GUCA1B: variants seen among roughly 807,000 people sequenced by gnomAD.
GUCA1B encodes guanylyl cyclase-activating protein 2.
GUCA1B carries 22 observed loss-of-function variants against 24.2 expected under a neutral mutation model. The observed-to-expected ratio is 0.91, with a 90% CI of 0.65 to 1.30. The LOEUF (loss-of-function observed/expected upper bound fraction) is 1.30. Ranked by LOEUF, GUCA1B falls within the 50% of genes most tolerant of loss-of-function variation. GUCA1B has a pLI of 0.00. For missense variants in GUCA1B, 221 were observed against 258.8 expected, an observed-to-expected ratio of 0.85 and a Z score of 1.00; for synonymous variants, 100 against 97.9, an observed-to-expected ratio of 1.02 and a Z score of -0.13.
chr6:42,194,062 G>A (rs1044057816), intron 1 of GUCA1B, among the ~76,000 whole-genome samples: 5 of 152,196 alleles, frequency 3.3e-5, no homozygotes, highest in African/African-American at 9.6e-5. Context: ...GACTTGAAGA[G>A]CTGAAAGGGG....
At chr6:42,186,697 C>T (rs1768198919) in intron 2 of GUCA1B, among the ~76,000 whole-genome samples, 1 of 152,180 alleles carries the variant, frequency 6.6e-6, no homozygotes, top group African/African-American at 2.4e-5. Flanking sequence ...AGGACAGAAG[C>T]TGCGTCTTAT....
intron 3 of GUCA1B, 103 bp from the exon 4 acceptor site, chr6:42,185,045 G>T: frequency 1.9e-6 from 2 of 1,071,558 alleles, no homozygotes; most frequent in Non-Finnish European, 1.4e-6. Flanking sequence ...CACGTCTTAT[G>T]CCAACTATCC....
intron 1 of GUCA1B, among the ~76,000 whole-genome samples, chr6:42,190,670 A>C (rs1768289733): frequency 6.6e-6 from 1 of 152,192 alleles, no homozygotes; most frequent in South Asian, 2.1e-4. Flanking sequence ...CAGGCCACCC[A>C]GCCAGCAAGT....
chr6:42,190,793 C>T (rs778870222), intron 1 of GUCA1B, among the ~76,000 whole-genome samples: 6 of 152,018 alleles, frequency 3.9e-5, no homozygotes, highest in Non-Finnish European at 7.4e-5. Context: ...TTGGGGGTGC[C>T]AAGAGAAGAA....
intron 2 of GUCA1B, among the ~76,000 whole-genome samples, chr6:42,186,679 G>A (rs1167426690): frequency 3.9e-5 from 6 of 152,120 alleles, no homozygotes; most frequent in Admixed American, 2.0e-4. Context: ...CCAGGCTGGC[G>A]CTCCCTGAGG....
chr6:42,188,765 C>T (rs779426390), intron 1 of GUCA1B, 34 bp from the exon 2 acceptor site: 34 of 1,596,394 alleles, frequency 2.1e-5, no homozygotes, highest in Non-Finnish European at 2.6e-6. Flanking sequence ...GAGGGCACAG[C>T]CCACCTCCCC....
chr6:42,186,526 G>A (rs1351835419), intron 2 of GUCA1B, among the ~76,000 whole-genome samples: 1 of 152,152 alleles, frequency 6.6e-6, no homozygotes, highest in Non-Finnish European at 1.5e-5. Context: ...CTGGGAGATA[G>A]AGGTTGCAGT....
rs1285115164 is a variant in GUCA1B, at chr6:42,184,166, G to A, written c.*649C>T. 6.6e-6 allele frequency among the ~76,000 whole-genome samples: 1 copy of A among 151,166 alleles called. No homozygotes were observed. Among genetic ancestry groups the A allele is most frequent in the East Asian group, 1.9e-4 (1 of 5,150 alleles). ...TGCAGTGGCGCAATCTCGGCTCACTGTAGGCTCGGCCCCCTGGGGTTCACG... is the reference window on the plus strand; with the variant it reads ...TGCAGTGGCGCAATCTCGGCTCACTATAGGCTCGGCCCCCTGGGGTTCACG... On this transcript the variant is annotated 3_prime_UTR_variant, in exon 4 of 4. Transcript: ENST00000230361.
At position 42,185,815 on chromosome 6, in the gene GUCA1B, G is replaced by C; in HGVS notation, c.358-18C>G. On this transcript the variant is annotated intron_variant, in intron 2 of 3. Transcript: ENST00000230361. ...TAAATTCCCTGCCAAAGAAAACTCA[G>C]CTGCATTGACGGGAGACCCTGAAAG... 1.3e-6 allele frequency: 2 copies of C among 1,494,668 alleles called. No individual in the cohort carries two copies. The highest frequency in any genetic ancestry group is 1.9e-6 in the Non-Finnish European group (2 of 1,071,988). 92.6% of individuals were successfully genotyped at this position (1,494,668 alleles called of 1,614,324 possible).
In GUCA1B at chr6:42,190,725, G is replaced by A. The variant is rs1473389758; in HGVS notation, c.208-1994C>T. 5.3e-5 allele frequency among the ~76,000 whole-genome samples: 8 copies of A among 152,044 alleles called. No homozygotes were observed. The South Asian group carries it at 8.3e-4, about 16-fold the overall frequency. ...TGCATCTCCTCCAGTGCATCACGTC[G>A]GAAGAACTTGCAGTCTCCACTTAAG... On this transcript the variant is annotated intron_variant, in intron 1 of 3. Transcript: ENST00000230361.
At chr6:42,192,382 AGAG>A (rs1768324220) in intron 1 of GUCA1B, among the ~76,000 whole-genome samples, 2 of 8,228 alleles carry the variant, frequency 2.4e-4, no homozygotes, top group African/African-American at 8.1e-4. Context: ...AAAAAAAAAG[AGAG>A]AAAAGAAAAG....
intron 1 of GUCA1B, among the ~76,000 whole-genome samples, 165 bp from the exon 2 acceptor site, chr6:42,188,896 CT>C (rs377217329): frequency 4.1e-4 from 52 of 126,858 alleles, no homozygotes; most frequent in African/African-American, 8.6e-4. Flanking sequence ...TTCTATCTAT[CT>C]ATCTATATCT....
chr6:42,193,788 G>A (rs1157229974), intron 1 of GUCA1B, among the ~76,000 whole-genome samples: 1 of 152,164 alleles, frequency 6.6e-6, no homozygotes, highest in Non-Finnish European at 1.5e-5. Context: ...AGTTCTCCAC[G>A]CACTGAGGAA....
chr6:42,188,407 GATT>G (rs1768234842), intron 2 of GUCA1B, among the ~76,000 whole-genome samples, 172 bp downstream of exon 2: 1 of 150,732 alleles, frequency 6.6e-6, no homozygotes, highest in African/African-American at 2.4e-5. Context: ...TTTTTTGATT[GATT>G]TCTAGCTTAA....
rs1768367210 is a variant in GUCA1B at position 42,194,685 on chromosome 6, A to G, written c.136T>C (p.Phe46Leu). The G allele has an allele frequency of 3.7e-6, 6 of 1,613,650 alleles. No homozygotes were observed. In the East Asian group the frequency reaches 1.3e-4, roughly 36 times the overall value. ...TLFMHEFKRFFKVTDDEEASQ... is the reference protein window; with the variant it reads ...TLFMHEFKRFLKVTDDEEASQ... Reference sequence around the variant, plus strand: ...GCCTCCTCATCGTCTGTGACCTTGAAGAAGCGCTTAAACTCATGCATAAAG... The same window carrying G: ...GCCTCCTCATCGTCTGTGACCTTGAGGAAGCGCTTAAACTCATGCATAAAG... The change falls in exon 1 of 4, where the codon TTC (phenylalanine) becomes CTC (leucine). Residue 46 changes from phenylalanine (F) to leucine (L), a missense_variant. Phe to Leu is a conservative substitution (Grantham distance 22). Coordinates refer to ENST00000230361, the MANE Select transcript of GUCA1B (RefSeq NM_002098.6).
chr6:42,190,246 A>G (rs1248531358), intron 1 of GUCA1B, among the ~76,000 whole-genome samples: 1 of 151,476 alleles, frequency 6.6e-6, no homozygotes, highest in Non-Finnish European at 1.5e-5. Flanking sequence ...TGGTCTCCGT[A>G]CTCCCCATCA....
chr6:42,185,308 T>G (rs1231008314), intron 3 of GUCA1B, among the ~76,000 whole-genome samples: 2 of 152,134 alleles, frequency 1.3e-5, no homozygotes, highest in Non-Finnish European at 1.5e-5. Context: ...AATGGAGGTC[T>G]ACCCTATGCC....
In GUCA1B at chr6:42,188,823, T is replaced by A. The variant is rs1768242921; in HGVS notation, c.208-92A>T. 8.9e-6 allele frequency: 11 copies of A among 1,231,466 alleles called. No individual in the cohort carries two copies. The South Asian group carries it at 1.2e-4, about 13-fold the overall frequency. 76.3% of individuals were successfully genotyped at this position (1,231,466 alleles called of 1,614,324 possible). A position where few individuals can be genotyped will look rare whatever the true frequency, so the allele number is the denominator to read the frequency against. On this transcript the variant is annotated intron_variant, in intron 1 of 3. Coordinates refer to ENST00000230361, the MANE Select transcript of GUCA1B (RefSeq NM_002098.6). ...GCAAACACAGGGCTTCTCCTCCTCC[T>A]TTTAATCCATGTGGCCTCTGTGTCT...
At chr6:42,188,519 A>C in intron 2 of GUCA1B, 63 bp downstream of exon 2, 1 of 1,543,464 alleles carries the variant, frequency 6.5e-7, no homozygotes, top group Non-Finnish European at 9.0e-7. Flanking sequence ...CTTGTGGCCA[A>C]CCTTCAGAGC....
Sources: gnomAD v4.1 joint callset for allele counts (sites outside exome capture counted in the v4.1 genomes callset) on GRCh38, gnomAD v4.1.1 for gene constraint, MANE v1.5 for transcripts, NCBI Gene and HGNC (gene_info 2026-07-23, HGNC 2026-07-21) for gene names.